The following TMEM163 variants were observed in gnomAD, a reference collection of about 807,000 sequenced individuals.
TMEM163 encodes the protein transmembrane protein 163.
Under a neutral mutation model 29.3 loss-of-function variants are expected in TMEM163, and 17 were observed. That is an observed-to-expected ratio of 0.58 (90% CI 0.40 to 0.87). The LOEUF (loss-of-function observed/expected upper bound fraction) is 0.87, where lower values mean the gene tolerates loss of function less well. Ranked by LOEUF, TMEM163 falls within the 40% of genes least tolerant of loss-of-function variation. The pLI is 0.00. For missense variants in TMEM163, 303 were observed against 381.5 expected (o/e 0.79, Z 1.71); for synonymous variants, 157 against 160.6 (o/e 0.98, Z 0.17).
chr2:134,670,339 A>G (rs570263699), intron 2 of TMEM163, among the ~76,000 whole-genome samples: 4 of 152,318 alleles, frequency 2.6e-5, no homozygotes, highest in Middle Eastern at 3.4e-3. Flanking sequence ...ACCTCGCAGC[A>G]TCTCACACAG....
intron 2 of TMEM163, among the ~76,000 whole-genome samples, chr2:134,650,021 AAAAAG>A (rs1244030779): frequency 2.2e-4 from 32 of 146,278 alleles, no homozygotes; most frequent in Middle Eastern, 3.4e-3. Flanking sequence ...AAAAAAAAAA[AAAAAG>A]AATGATGTAG....
At chr2:134,635,281 A>G (rs1683078666) in intron 2 of TMEM163, among the ~76,000 whole-genome samples, 1 of 152,196 alleles carries the variant, frequency 6.6e-6, no homozygotes, top group African/African-American at 2.4e-5. Flanking sequence ...CTTGTTCCCA[A>G]TGCTCAGTAG....
At position 134,550,551 on chromosome 2, in the gene TMEM163, A is replaced by T. The variant is rs375703787; in HGVS notation, c.458+19T>A. ...CTGCACGGGTTCTTCAGCCTGGAGA[A>T]AGACAAGAATCTACTTACATGTACT... On this transcript the variant is annotated intron_variant, in intron 4 of 7. Transcript: ENST00000281924. 2 of 1,612,888 alleles carry T rather than the reference A, an allele frequency of 1.2e-6. No individual in the cohort carries two copies. Among genetic ancestry groups the T allele is most frequent in the African/African-American group, 2.7e-5 (2 of 74,900 alleles).
rs190988008 is a variant in TMEM163, at chr2:134,478,880, A to G, written c.556-12655T>C. On this transcript the variant is annotated intron_variant, in intron 5 of 7. Transcript: ENST00000281924. ...CAGCCCCAGAGGCCTCAGAGGAAAG[A>G]ATCATTTTGGGATCCAGGCCCAGGG... Among the ~76,000 whole-genome samples, 444 of 152,298 alleles carry G rather than the reference A, an allele frequency of 2.9e-3. 4 individuals carry two copies. Among genetic ancestry groups the G allele is most frequent in the Middle Eastern group, 0.017 (5 of 294 alleles).
chr2:134,651,982 G>C (rs1392366436), intron 2 of TMEM163, among the ~76,000 whole-genome samples: 2 of 126,202 alleles, frequency 1.6e-5, no homozygotes, highest in Non-Finnish European at 3.2e-5. Flanking sequence ...GTAGTGTGAT[G>C]CCTCCAGCTT....
intron 1 of TMEM163, among the ~76,000 whole-genome samples, chr2:134,715,442 C>T (rs929143859): frequency 3.3e-5 from 5 of 152,066 alleles, no homozygotes; most frequent in African/African-American, 1.2e-4. Context: ...GTGCCTCCTC[C>T]GTGATATTTT....
At chr2:134,471,261 A>G (rs537911491) in intron 5 of TMEM163, among the ~76,000 whole-genome samples, 6 of 152,300 alleles carry the variant, frequency 3.9e-5, no homozygotes, top group Admixed American at 6.5e-5. Flanking sequence ...CCTAACCCCA[A>G]TGTGATAGTA....
rs949175133 is a variant in TMEM163 at position 134,458,230 on chromosome 2, C to T, written c.668-57G>A. On this transcript the variant is annotated intron_variant, in intron 6 of 7. Transcript: ENST00000281924. Reference sequence around the variant, plus strand: ...AGTGCCAAGCAATCCAAGAAAATCACCCAAATGCCAGTCCTGCCTCCACGT... The same window carrying T: ...AGTGCCAAGCAATCCAAGAAAATCATCCAAATGCCAGTCCTGCCTCCACGT... 3.7e-6 allele frequency: 6 copies of T among 1,603,056 alleles called. No homozygotes were observed. In the East Asian group the frequency reaches 9.0e-5, roughly 24 times the overall value.
intron 4 of TMEM163, 23 bp downstream of exon 4, chr2:134,550,547 G>C (rs752920024): frequency 6.2e-7 from 1 of 1,610,830 alleles, no homozygotes; most frequent in Non-Finnish European, 8.5e-7. Context: ...CTTCAGCCTG[G>C]AGAAAGACAA....
chr2:134,534,702 C>T (rs749365624), intron 4 of TMEM163, among the ~76,000 whole-genome samples: 4 of 151,978 alleles, frequency 2.6e-5, no homozygotes, highest in Non-Finnish European at 2.9e-5. Flanking sequence ...TGCAGTGAAC[C>T]GAGATCGCAC....
chr2:134,569,273 A>T (rs934635310), intron 2 of TMEM163, among the ~76,000 whole-genome samples: 18 of 152,172 alleles, frequency 1.2e-4, no homozygotes, highest in African/African-American at 4.1e-4. Flanking sequence ...AGTGAACTGA[A>T]CACTGCCATG....
intron 7 of TMEM163, among the ~76,000 whole-genome samples, chr2:134,457,351 C>G (rs1477267271): frequency 1.3e-5 from 2 of 152,204 alleles, no homozygotes; most frequent in Non-Finnish European, 2.9e-5. Context: ...TCCATGGCAG[C>G]ACCATCGTCC....
At chr2:134,685,005 C>T (rs562466677) in intron 2 of TMEM163, among the ~76,000 whole-genome samples, 1 of 152,116 alleles carries the variant, frequency 6.6e-6, no homozygotes, top group African/African-American at 2.4e-5. Context: ...CCAAGAACGT[C>T]CATCCTCTCC....
intron 6 of TMEM163, among the ~76,000 whole-genome samples, chr2:134,462,103 C>G (rs985657395): frequency 4.6e-5 from 7 of 152,218 alleles, no homozygotes; most frequent in Admixed American, 4.6e-4. Context: ...CGAAGGGCCA[C>G]AGAGCACAGG....
intron 4 of TMEM163, among the ~76,000 whole-genome samples, chr2:134,511,335 C>T (rs888422683): frequency 1.2e-4 from 19 of 152,288 alleles, no homozygotes; most frequent in Middle Eastern, 6.8e-3. Context: ...GCTCAACCTA[C>T]GGCAACGAGG....
chr2:134,555,714 T>C (rs890933905), intron 2 of TMEM163, among the ~76,000 whole-genome samples: 2 of 152,202 alleles, frequency 1.3e-5, no homozygotes, highest in African/African-American at 4.8e-5. Context: ...TCCTATCTCT[T>C]TCTCTGCTGG....
Position 134,558,399 on chromosome 2 carries a change from C to G in TMEM163, c.323-6308G>C, listed in dbSNP as rs192860270. On this transcript the variant is annotated intron_variant, in intron 2 of 7. Coordinates refer to ENST00000281924, the MANE Select transcript of TMEM163 (RefSeq NM_030923.5). Reference sequence around the variant, plus strand: ...TACTCTCCCAGAAGCACACACACAACAGAAGTCTAAAATAAATATTTATAC... The same window carrying G: ...TACTCTCCCAGAAGCACACACACAAGAGAAGTCTAAAATAAATATTTATAC... 1.4e-3 allele frequency among the ~76,000 whole-genome samples: 207 copies of G among 152,316 alleles called. 2 individuals are homozygous for G. The highest frequency in any genetic ancestry group is 4.6e-3 in the African/African-American group (190 of 41,574).
intron 2 of TMEM163, among the ~76,000 whole-genome samples, chr2:134,642,654 T>C (rs1238036587): frequency 6.6e-6 from 1 of 152,090 alleles, no homozygotes; most frequent in African/African-American, 2.4e-5. Flanking sequence ...TTACAAAACA[T>C]GAAGTATATC....
rs369745215 is a variant in TMEM163 at position 134,653,297 on chromosome 2, T to G, written c.322+59903A>C. Among the ~76,000 whole-genome samples, 48 of 48,386 alleles carry G rather than the reference T, an allele frequency of 9.9e-4. No individual in the cohort carries two copies. The East Asian group carries it at 0.012, about 12-fold the overall frequency. 31.7% of individuals were successfully genotyped at this position (48,386 alleles called of 152,430 possible). On this transcript the variant is annotated intron_variant, in intron 2 of 7. Transcript: ENST00000281924. ...TGGGAGAGTGTATGTGTCGAGGAATTTATCCATTTCTTCTAGATTTTCTAG... is the reference window on the plus strand; with the variant it reads ...TGGGAGAGTGTATGTGTCGAGGAATGTATCCATTTCTTCTAGATTTTCTAG...
Sources: gnomAD v4.1 joint callset for allele counts (sites outside exome capture counted in the v4.1 genomes callset) on GRCh38, gnomAD v4.1.1 for gene constraint, MANE v1.5 for transcripts, NCBI Gene and HGNC (gene_info 2026-07-23, HGNC 2026-07-21) for gene names.